Variants in NCOA1 observed in about 807,000 individuals in gnomAD.
The protein encoded by NCOA1 is Hin-2 protein.
Under a neutral mutation model 150.9 loss-of-function variants are expected in NCOA1, and 35 were observed. The ratio of observed to expected loss-of-function variants is 0.23; its 90% CI spans 0.18 to 0.31. NCOA1 has a LOEUF of 0.31. NCOA1 is among the 10% of genes least tolerant of loss of function. The probability of loss-of-function intolerance (pLI) is 1.00; values close to 1 mark genes in which losing one functional copy is unlikely to be tolerated. For synonymous variants in NCOA1, 590 were observed against 630.0 expected, an observed-to-expected ratio of 0.94 and a Z score of 0.95; for missense variants, 1,491 against 1,749.3, an observed-to-expected ratio of 0.85 and a Z score of 2.63.
intron 17 of NCOA1, among the ~76,000 whole-genome samples, chr2:24,736,190 C>T (rs1264607375): frequency 6.8e-6 from 1 of 146,492 alleles, no homozygotes; most frequent in Non-Finnish European, 1.5e-5. Context: ...TGTTGCACTC[C>T]AGCCTGGGCA....
chr2:24,610,434 C>A (rs966540262), intron 3 of NCOA1, among the ~76,000 whole-genome samples: 1 of 151,978 alleles, frequency 6.6e-6, no homozygotes, highest in Non-Finnish European at 1.5e-5. Flanking sequence ...AGCCACAGCG[C>A]CCAGCCTTTA....
intron 17 of NCOA1, among the ~76,000 whole-genome samples, chr2:24,737,731 A>G (rs1338485297): frequency 6.6e-6 from 1 of 152,162 alleles, no homozygotes; most frequent in Admixed American, 6.5e-5. Context: ...GCTGCCGTAG[A>G]TGTGTCCGTC....
intron 2 of NCOA1, among the ~76,000 whole-genome samples, chr2:24,567,443 T>C (rs1168963558): frequency 1.3e-5 from 2 of 152,178 alleles, no homozygotes; most frequent in Non-Finnish European, 2.9e-5. Flanking sequence ...GGGAAGAATA[T>C]AAATTATTCT....
chr2:24,742,060 C>T lies in NCOA1; in HGVS notation c.3580C>T (p.Pro1194Ser). ...TSPFSQLAAN[P>S]EASLANRNSM... ...CCCGTTTTCACAACTAGCAGCAAAT[C>T]CTGAAGCATCCTTGGCCAACCGCAA... Residue 1194 changes from proline to serine, a missense_variant, in exon 19 of 23, where the codon CCT becomes TCT. By Grantham distance (74) the Pro-to-Ser change is moderately conservative. Around this residue, in one of 8 missense-constraint regions of NCOA1, gnomAD observed 485 missense variants for 522.8 expected, o/e 0.93. Transcript: ENST00000348332. The T allele has an allele frequency of 6.2e-7, 1 of 1,614,210 alleles. No individual in the cohort carries two copies.
chr2:24,595,476 A>C (rs1004513159), intron 3 of NCOA1, among the ~76,000 whole-genome samples: 1 of 152,070 alleles, frequency 6.6e-6, no homozygotes, highest in Admixed American at 6.6e-5. Context: ...TCACCTAAAC[A>C]AGGTTAAAAA....
intron 1 of NCOA1, among the ~76,000 whole-genome samples, chr2:24,497,142 CAGCTTA>C: frequency 6.6e-6 from 1 of 152,254 alleles, no homozygotes; most frequent in South Asian, 2.1e-4. Context: ...TAAGATTGCA[CAGCTTA>C]TAGGTGTTAG....
In NCOA1 at chr2:24,768,351, C is replaced by G. The variant is rs1404112787; in HGVS notation, c.4286C>G (p.Ala1429Gly). 1.9e-6 allele frequency: 3 copies of G among 1,613,118 alleles called. No individual in the cohort carries two copies. The highest frequency in any genetic ancestry group is 2.5e-6 in the Non-Finnish European group (3 of 1,179,526). ...ACGTCAGGACCACAGACCCCCCAGG[C>G]CCAGCAGAAGAGCCTCCTTCAGCAG... ...KPTSGPQTPQ[A>G]QQKSLLQQLL... Residue 1429 changes from alanine to glycine, a missense_variant, in exon 23 of 23, where the codon GCC (alanine) becomes GGC (glycine). By Grantham distance (60) the Ala-to-Gly change is moderately conservative. Transcript: ENST00000348332.
intron 8 of NCOA1, among the ~76,000 whole-genome samples, chr2:24,689,435 GTC>G (rs1672560434): frequency 1.3e-5 from 2 of 151,208 alleles, no homozygotes; most frequent in Admixed American, 6.6e-5. Flanking sequence ...TTGAGATGGA[GTC>G]TCACTCTGTC....
intron 8 of NCOA1, among the ~76,000 whole-genome samples, chr2:24,685,994 C>T (rs761934396): frequency 4.6e-5 from 7 of 151,924 alleles, no homozygotes; most frequent in South Asian, 2.1e-4. Flanking sequence ...AGGATAGTTC[C>T]GTTTTTCTTA....
chr2:24,499,428 T>C (rs1663361039), intron 1 of NCOA1, among the ~76,000 whole-genome samples: 1 of 152,226 alleles, frequency 6.6e-6, no homozygotes, highest in Non-Finnish European at 1.5e-5. Flanking sequence ...CATTGTTCTA[T>C]GGCCCTTTGT....
intron 1 of NCOA1, among the ~76,000 whole-genome samples, chr2:24,531,221 A>G (rs1203861844): frequency 6.6e-6 from 1 of 152,164 alleles, no homozygotes; most frequent in African/African-American, 2.4e-5. Context: ...CACACGACCC[A>G]GCAATCCCCC....
chr2:24,570,630 C>T (rs1427806973), intron 2 of NCOA1, among the ~76,000 whole-genome samples: 2 of 152,148 alleles, frequency 1.3e-5, no homozygotes, highest in Admixed American at 6.5e-5. Flanking sequence ...GCTAACTGCA[C>T]GGGCAGAAAC....
At chr2:24,547,727 G>A (rs1195211276) in intron 1 of NCOA1, among the ~76,000 whole-genome samples, 1 of 152,054 alleles carries the variant, frequency 6.6e-6, no homozygotes, top group African/African-American at 2.4e-5. Flanking sequence ...AATGGCTCAT[G>A]CCTGTAATCC....
chr2:24,646,465 T>C (rs1365164126), intron 4 of NCOA1, among the ~76,000 whole-genome samples: 1 of 152,208 alleles, frequency 6.6e-6, no homozygotes, highest in African/African-American at 2.4e-5. Flanking sequence ...ATTTGTCTGA[T>C]TCACAATCAT....
chr2:24,535,868 T>C (rs1665113293), intron 1 of NCOA1, among the ~76,000 whole-genome samples: 1 of 152,216 alleles, frequency 6.6e-6, no homozygotes, highest in Admixed American at 6.5e-5. Context: ...CCTTTCTCTT[T>C]GACTGCCCTT....
At chr2:24,727,590 C>A (rs1396979146) in intron 15 of NCOA1, among the ~76,000 whole-genome samples, 1 of 152,316 alleles carries the variant, frequency 6.6e-6, no homozygotes, top group African/African-American at 2.4e-5. Context: ...AGCGCCTTAA[C>A]TATGAACTGT....
intron 2 of NCOA1, among the ~76,000 whole-genome samples, chr2:24,569,552 A>ATTTTTT (rs200639064): frequency 0.018 from 1,664 of 93,762 alleles, 157 homozygotes; most frequent in Non-Finnish European, 0.027. Flanking sequence ...GGTTTTATTA[A>ATTTTTT]TTTTTTTTTT....
chr2:24,708,158 T>A (rs1041964516), intron 13 of NCOA1, among the ~76,000 whole-genome samples: 4 of 152,180 alleles, frequency 2.6e-5, no homozygotes, highest in Admixed American at 6.5e-5. Flanking sequence ...AGACATTTTT[T>A]AAAATACCTT....
At chr2:24,541,077 G>C (rs1434210805) in intron 1 of NCOA1, among the ~76,000 whole-genome samples, 1 of 152,206 alleles carries the variant, frequency 6.6e-6, no homozygotes, top group Non-Finnish European at 1.5e-5. Context: ...GTTATAGTCT[G>C]TTAGGCTAGT....
Sources: gnomAD v4.1 joint callset for allele counts (sites outside exome capture counted in the v4.1 genomes callset) on GRCh38, gnomAD v4.1.1 for gene constraint, gnomAD v4.1.1 regional missense constraint, MANE v1.5 for transcripts, NCBI Gene and HGNC (gene_info 2026-07-23, HGNC 2026-07-21) for gene names.